The following HNRNPM variants were observed in gnomAD, a reference collection of about 807,000 sequenced individuals.
HNRNPM encodes heterogeneous nuclear ribonucleoprotein M.
In HNRNPM, 11 loss-of-function variants were observed where a neutral mutation model predicts 73.1. That is an observed-to-expected ratio of 0.15 (90% CI 0.09 to 0.25). HNRNPM has a LOEUF of 0.25. HNRNPM is among the 10% of genes least tolerant of loss of function. HNRNPM has a pLI of 1.00. For synonymous variants in HNRNPM, 407 were observed against 355.2 expected (o/e 1.15, Z -1.64); for missense variants, 789 against 1,067.9 (o/e 0.74, Z 3.64).
At chr19:8,473,821 G>C in intron 11 of HNRNPM, 113 bp downstream of exon 11, 1 of 760,704 alleles carries the variant, frequency 1.3e-6, no homozygotes, top group South Asian at 1.7e-5. Flanking sequence ...GTTTCAGTTT[G>C]AGTCTAGAAA....
At chr19:8,474,489 G>T (rs530274938) in intron 12 of HNRNPM, among the ~76,000 whole-genome samples, 2 of 152,296 alleles carry the variant, frequency 1.3e-5, no homozygotes, top group South Asian at 4.1e-4. Flanking sequence ...TTCGAGTACA[G>T]TGTTAAAAAG....
chr19:8,466,183 T>G, intron 6 of HNRNPM, 52 bp from the exon 7 acceptor site: 8 of 1,535,636 alleles, frequency 5.2e-6, no homozygotes, highest in Non-Finnish European at 7.1e-6. Context: ...AAAAATGTTG[T>G]GTTTCTTAAG....
chr19:8,484,081 G>T (rs896100632), intron 13 of HNRNPM, among the ~76,000 whole-genome samples: 1 of 151,696 alleles, frequency 6.6e-6, no homozygotes, highest in African/African-American at 2.4e-5. Flanking sequence ...TTTTCAGCCT[G>T]ATTTTCCCTC....
chr19:8,476,871 G>A (rs974226548), intron 12 of HNRNPM, among the ~76,000 whole-genome samples: 14 of 150,022 alleles, frequency 9.3e-5, no homozygotes, highest in African/African-American at 2.9e-4. Flanking sequence ...CCCTGCCGCC[G>A]TCCCCCCCAC....
intron 1 of HNRNPM, 117 bp downstream of exon 1, chr19:8,445,228 T>G: frequency 7.8e-6 from 7 of 895,572 alleles, no homozygotes; most frequent in Non-Finnish European, 9.2e-6. Flanking sequence ...GCCCCGGCTG[T>G]TCCCGTACCG....
At chr19:8,459,150 C>T (rs1348191035) in intron 2 of HNRNPM, among the ~76,000 whole-genome samples, 1 of 152,212 alleles carries the variant, frequency 6.6e-6, no homozygotes, top group Non-Finnish European at 1.5e-5. Context: ...TGGTCTTGAA[C>T]TCCTGACCTC....
chr19:8,485,561 C>A (rs780091824), intron 13 of HNRNPM, 42 bp from the exon 14 acceptor site: 1 of 1,569,256 alleles, frequency 6.4e-7, no homozygotes, highest in East Asian at 2.2e-5. Flanking sequence ...CACGCACACT[C>A]AAGTTCTTGA....
At chr19:8,480,249 G>GC (rs1297519174) in intron 12 of HNRNPM, among the ~76,000 whole-genome samples, 1 of 145,682 alleles carries the variant, frequency 6.9e-6, no homozygotes, top group African/African-American at 2.5e-5. Flanking sequence ...GGTGGCGGGT[G>GC]CCTGTAATCC....
In HNRNPM at chr19:8,463,886, A is replaced by G. The variant is rs569820684; in HGVS notation, c.438+200A>G. 5.4e-6 allele frequency: 3 copies of G among 550,888 alleles called. No homozygotes were observed. In the Admixed American group the frequency reaches 9.5e-5, roughly 17 times the overall value. The allele number at this position is 550,888 out of a possible 1,614,324, so 34.1% of individuals were successfully genotyped here. ...TGGGGTGGTGGCCAAGCAGATCCTGAGTGGCTGCTGACCACCTTCTAATAT... is the reference window on the plus strand; with the variant it reads ...TGGGGTGGTGGCCAAGCAGATCCTGGGTGGCTGCTGACCACCTTCTAATAT... On this transcript the variant is annotated intron_variant, in intron 5 of 15. Transcript: ENST00000325495.
At position 8,466,928 on chromosome 19, in the gene HNRNPM, G is replaced by C. The variant is rs889561145; in HGVS notation, c.784+540G>C. Reference sequence around the variant, plus strand: ...TTACAACATGGGCATATGCCCATGAGTCTTTCTACTGTTTTCTTTTCAGAA... The same window carrying C: ...TTACAACATGGGCATATGCCCATGACTCTTTCTACTGTTTTCTTTTCAGAA... On this transcript the variant is annotated intron_variant, in intron 7 of 15. Coordinates refer to ENST00000325495, the MANE Select transcript of HNRNPM (RefSeq NM_005968.5). Among the ~76,000 whole-genome samples, 14 of 151,132 alleles carry C rather than the reference G, an allele frequency of 9.3e-5. 1 individual carries two copies. In the South Asian group the frequency reaches 2.1e-3, roughly 23 times the overall value.
Position 8,468,760 on chromosome 19 carries a change from T to C in HNRNPM, c.835-14T>C. On this transcript the variant is annotated splice_polypyrimidine_tract_variant and intron_variant, in intron 8 of 15. Transcript: ENST00000325495. ...ACTGGATACTGAGATTTGTTTGTTT[T>C]CTTTCTCTTTCAGGATGAGAGGGCC... The C allele has an allele frequency of 6.2e-7, 1 of 1,610,886 alleles. No individual in the cohort carries two copies. Among genetic ancestry groups the C allele is most frequent in the East Asian group, 2.2e-5 (1 of 44,870 alleles).
At chr19:8,455,111 A>G (rs1344869703) in intron 1 of HNRNPM, among the ~76,000 whole-genome samples, 1 of 152,050 alleles carries the variant, frequency 6.6e-6, no homozygotes, top group East Asian at 1.9e-4. Flanking sequence ...ACTAGCTAGT[A>G]CTGCAAGTGC....
intron 15 of HNRNPM, 54 bp from the exon 16 acceptor site, chr19:8,488,637 A>G (rs1971490064): frequency 6.4e-7 from 1 of 1,556,480 alleles, no homozygotes; most frequent in African/African-American, 1.4e-5. Context: ...TCTGTCCACC[A>G]AAATCTAACA....
chr19:8,485,172 C>T (rs75447281), intron 13 of HNRNPM, among the ~76,000 whole-genome samples: 5,686 of 152,052 alleles, frequency 0.037, 220 homozygotes, highest in African/African-American at 0.096. Context: ...GGAGTGACTC[C>T]GACTTGTCTC....
chr19:8,474,383 C>T (rs1476374097), intron 12 of HNRNPM, 139 bp downstream of exon 12: 2 of 547,464 alleles, frequency 3.7e-6, no homozygotes, highest in East Asian at 6.3e-5. Flanking sequence ...TTTTGAATTG[C>T]CTTAAATATT....
intron 2 of HNRNPM, among the ~76,000 whole-genome samples, chr19:8,458,246 G>A (rs1192287874): frequency 6.6e-6 from 1 of 152,110 alleles, no homozygotes; most frequent in African/African-American, 2.4e-5. Flanking sequence ...CAGCATTCTA[G>A]CATTTCCTAT....
intron 1 of HNRNPM, chr19:8,445,392 T>C: frequency 6.3e-6 from 2 of 316,282 alleles, no homozygotes; most frequent in Middle Eastern, 8.1e-4. Context: ...CTGCTGCGCA[T>C]GGGGGTTGAT....
rs111839686 is a variant in HNRNPM, at chr19:8,480,232, C to T, written c.1121-2926C>T. On this transcript the variant is annotated intron_variant, in intron 12 of 15. Transcript: ENST00000325495. ...CTCTACTAAAAATACAAAAATTAGC[C>T]GGGCATGGTGGCGGGTGCCTGTAAT... Among the ~76,000 whole-genome samples the T allele has an allele frequency of 3.7e-3, 530 of 143,810 alleles. 2 individuals carry two copies. The highest frequency in any genetic ancestry group is 0.013 in the African/African-American group (489 of 38,942). The allele number at this position is 143,810 out of a possible 152,430, so 94.3% of individuals were successfully genotyped here.
intron 2 of HNRNPM, among the ~76,000 whole-genome samples, chr19:8,456,199 G>T (rs1319591147): frequency 6.6e-6 from 1 of 152,160 alleles, no homozygotes; most frequent in African/African-American, 2.4e-5. Flanking sequence ...GATTGTCATA[G>T]CCTAGGTGTC....
Sources: allele counts gnomAD v4.1 joint callset (sites outside exome capture counted in the v4.1 genomes callset), GRCh38; gene constraint gnomAD v4.1.1; transcripts MANE v1.5; gene names NCBI Gene and HGNC (gene_info 2026-07-23, HGNC 2026-07-21).